The following RNF130 variants were observed in gnomAD, a reference collection of about 807,000 sequenced individuals.
RNF130 encodes the protein E3 ubiquitin-protein ligase RNF130.
RNF130 carries 21 observed loss-of-function variants against 44.6 expected under a neutral mutation model. That is an observed-to-expected ratio of 0.47 (90% CI 0.33 to 0.68). The LOEUF is 0.68. RNF130 is among the 30% of genes least tolerant of loss of function. RNF130 has a pLI of 0.02. For missense variants in RNF130, 479 were observed against 560.6 expected (o/e 0.85, Z 1.47); for synonymous variants, 214 against 210.4 (o/e 1.02, Z -0.15).
chr5:180,017,927 G>A (rs1022383130), intron 2 of RNF130, among the ~76,000 whole-genome samples: 16 of 152,176 alleles, frequency 1.1e-4, no homozygotes, highest in African/African-American at 3.9e-4. Context: ...TTCAGTAACT[G>A]CTGCAGCGTA....
chr5:179,927,526 C>A (rs1432968590), intron 7 of RNF130, among the ~76,000 whole-genome samples: 1 of 151,972 alleles, frequency 6.6e-6, no homozygotes, highest in Non-Finnish European at 1.5e-5. Context: ...ATCACTATGT[C>A]CTCTCTCCCC....
chr5:179,951,236 A>G (rs1762119431), downstream of RNF130, among the ~76,000 whole-genome samples: 1 of 152,226 alleles, frequency 6.6e-6, no homozygotes, highest in South Asian at 2.1e-4. Flanking sequence ...AGGGAGAAAC[A>G]TAATTCAACA....
At chr5:179,960,743 T>C (rs1416220492) in intron 8 of RNF130, among the ~76,000 whole-genome samples, 1 of 152,202 alleles carries the variant, frequency 6.6e-6, no homozygotes, top group African/African-American at 2.4e-5. Flanking sequence ...AGTATCAATT[T>C]TTGGACAGTC....
chr5:180,051,693 T>A (rs1176914920), intron 1 of RNF130, among the ~76,000 whole-genome samples: 1 of 152,208 alleles, frequency 6.6e-6, no homozygotes, highest in Non-Finnish European at 1.5e-5. Context: ...CTGAACTTAG[T>A]TACTGTGTAT....
At chr5:180,004,825 G>A (rs958493689) in intron 3 of RNF130, among the ~76,000 whole-genome samples, 1 of 152,138 alleles carries the variant, frequency 6.6e-6, no homozygotes, top group Non-Finnish European at 1.5e-5. Context: ...ACAGAGTAGG[G>A]TTTTCTTTTT....
At chr5:180,015,850 T>G (rs762163391) in intron 2 of RNF130, among the ~76,000 whole-genome samples, 1 of 152,214 alleles carries the variant, frequency 6.6e-6, no homozygotes, top group African/African-American at 2.4e-5. Context: ...GAACACCAAC[T>G]AATTTCAACG....
chr5:180,036,465 G>T (rs1764251700), intron 2 of RNF130, among the ~76,000 whole-genome samples: 1 of 152,150 alleles, frequency 6.6e-6, no homozygotes, highest in Admixed American at 6.5e-5. Flanking sequence ...GCTCCACACT[G>T]GCAGAAACTC....
chr5:180,053,611 A>G (rs1370961947), intron 1 of RNF130, among the ~76,000 whole-genome samples: 1 of 152,156 alleles, frequency 6.6e-6, no homozygotes, highest in Non-Finnish European at 1.5e-5. Context: ...ACTTCTCACA[A>G]AAGTTTTATT....
chr5:180,060,661 T>C (rs908695666), intron 1 of RNF130, among the ~76,000 whole-genome samples: 2 of 152,178 alleles, frequency 1.3e-5, no homozygotes, highest in Non-Finnish European at 2.9e-5. Flanking sequence ...CCTAACCTTA[T>C]TAAAAGTTCT....
At chr5:180,054,368 T>C (rs1270540880) in intron 1 of RNF130, among the ~76,000 whole-genome samples, 1 of 152,194 alleles carries the variant, frequency 6.6e-6, no homozygotes, top group African/African-American at 2.4e-5. Flanking sequence ...TTCCACCCCG[T>C]GGCATGTCAC....
At chr5:180,025,907 A>G (rs1224878775) in intron 2 of RNF130, among the ~76,000 whole-genome samples, 2 of 152,210 alleles carry the variant, frequency 1.3e-5, no homozygotes, top group Admixed American at 6.5e-5. Flanking sequence ...CAAATTACTG[A>G]TACGTAAAGG....
chr5:179,976,818 T>C (rs1762725192), intron 5 of RNF130: 1 of 152,140 alleles, frequency 6.6e-6, no homozygotes. Flanking sequence ...ATGCTCCATA[T>C]TATAAGGCTG....
At chr5:179,914,507 A>G (rs540847909) in exon 8 of RNF130, 2 of 152,126 alleles carry the variant, frequency 1.3e-5, no homozygotes, top group Non-Finnish European at 2.9e-5. Context: ...CCCCATCCTC[A>G]TGTCACTGGG....
intron 5 of RNF130, among the ~76,000 whole-genome samples, chr5:179,974,445 G>A (rs1266917106): frequency 2.6e-5 from 4 of 152,244 alleles, no homozygotes; most frequent in African/African-American, 9.6e-5. Context: ...CCGAGGAGGA[G>A]GCCCCTCCGC....
chr5:180,005,764 T>C (rs1239346907), intron 3 of RNF130, among the ~76,000 whole-genome samples: 2 of 152,186 alleles, frequency 1.3e-5, no homozygotes, highest in African/African-American at 4.8e-5. Flanking sequence ...CCCCAAAGAA[T>C]AACTCCTATA....
At chr5:180,022,061 G>A (rs184362039) in intron 2 of RNF130, among the ~76,000 whole-genome samples, 7 of 152,300 alleles carry the variant, frequency 4.6e-5, no homozygotes, top group Non-Finnish European at 1.0e-4. Flanking sequence ...GTCAGGTGCC[G>A]CTGGCAGTAA....
Position 179,955,662 on chromosome 5 carries a change from A to T in RNF130, c.1252T>A (p.Trp418Arg). ...AGCAGGTTTTTTCTTCTTCAAAACC[A>T]TTCTACCCTATGGAATAAAAGGAAA... ...TASLNANEVEWF is the reference protein window; with the variant it reads ...TASLNANEVERF Residue 418 changes from tryptophan to arginine, a missense_variant, in exon 9 of 9, where the codon TGG becomes AGG. This residue lies in a region of RNF130 where 161 missense variants were observed against 158.6 expected (regional missense o/e 1.02). Coordinates refer to ENST00000521389, the MANE Select transcript of RNF130 (RefSeq NM_018434.6). 1 of 1,585,600 alleles carries T rather than the reference A, an allele frequency of 6.3e-7. No individual in the cohort carries two copies. The highest frequency in any genetic ancestry group is 8.6e-7 in the Non-Finnish European group (1 of 1,167,270).
chr5:180,063,576 C>T (rs562035420), intron 1 of RNF130, among the ~76,000 whole-genome samples: 24 of 152,240 alleles, frequency 1.6e-4, no homozygotes, highest in African/African-American at 4.3e-4. Context: ...CCTAGAGAGG[C>T]CTAGGCTAAA....
Position 179,955,306 on chromosome 5 carries a change from A to G in RNF130, c.*348T>C. The G allele has an allele frequency of 4.6e-6, 1 of 217,130 alleles. No homozygotes were observed. The highest frequency in any genetic ancestry group is 9.0e-6 in the Non-Finnish European group (1 of 111,288). 13.5% of individuals were successfully genotyped at this position (217,130 alleles called of 1,614,324 possible). On this transcript the variant is annotated 3_prime_UTR_variant, in exon 9 of 9. Coordinates refer to ENST00000521389, the MANE Select transcript of RNF130 (RefSeq NM_018434.6). ...CAGGATGTCCCCGCTCTTGCGCCCT[A>G]TGTGGGTAGGAGCCAATGTGAAGAC... is the stretch of plus-strand genomic sequence containing the variant.
Sources: gnomAD v4.1 joint callset for allele counts (sites outside exome capture counted in the v4.1 genomes callset) on GRCh38, gnomAD v4.1.1 for gene constraint, gnomAD v4.1.1 regional missense constraint, MANE v1.5 for transcripts, NCBI Gene and HGNC (gene_info 2026-07-23, HGNC 2026-07-21) for gene names.